Variants in TTC7B observed in about 807,000 individuals in gnomAD.
The protein encoded by TTC7B is tetratricopeptide repeat protein 7B.
A neutral mutation model predicts 106.8 loss-of-function variants in TTC7B; 28 were observed. That is an observed-to-expected ratio of 0.26 (90% CI 0.19 to 0.36). TTC7B has a LOEUF of 0.36. Among genes scored for constraint, TTC7B ranks in the 10% least tolerant of loss-of-function variants. The pLI, the probability that TTC7B is intolerant of heterozygous loss-of-function variation, is 1.00. For missense variants in TTC7B, 862 were observed against 1,076.4 expected (o/e 0.80, Z 2.79); for synonymous variants, 405 against 430.6 (o/e 0.94, Z 0.74).
intron 19 of TTC7B, among the ~76,000 whole-genome samples, chr14:90,555,747 T>C (rs1890274357): frequency 6.6e-6 from 1 of 152,204 alleles, no homozygotes; most frequent in Non-Finnish European, 1.5e-5. Flanking sequence ...ATCAGTCATC[T>C]CTCAGCTCCT....
At chr14:90,812,900 G>C (rs2030976104) in intron 1 of TTC7B, among the ~76,000 whole-genome samples, 1 of 152,194 alleles carries the variant, frequency 6.6e-6, no homozygotes, top group South Asian at 2.1e-4. Flanking sequence ...CCACTATTTA[G>C]AGTCCTTAAC....
intron 17 of TTC7B, 126 bp from the exon 18 acceptor site, chr14:90,593,752 T>A (rs933821900): frequency 4.9e-6 from 5 of 1,012,888 alleles, no homozygotes; most frequent in Non-Finnish European, 6.7e-6. Context: ...TAAGATTTAC[T>A]GTCCACAGAG....
chr14:90,630,201 A>G (rs1033547827), intron 15 of TTC7B, among the ~76,000 whole-genome samples: 8 of 151,402 alleles, frequency 5.3e-5, no homozygotes, highest in African/African-American at 1.7e-4. Flanking sequence ...TTTTCATTGC[A>G]TTTGGGGGAT....
intron 1 of TTC7B, among the ~76,000 whole-genome samples, chr14:90,791,889 C>G (rs571512249): frequency 7.9e-5 from 12 of 152,214 alleles, no homozygotes; most frequent in African/African-American, 2.9e-4. Flanking sequence ...GATCTACTTT[C>G]TAAGTCACTG....
intron 1 of TTC7B, among the ~76,000 whole-genome samples, chr14:90,793,101 T>C (rs1377431527): frequency 6.6e-6 from 1 of 151,840 alleles, no homozygotes; most frequent in Non-Finnish European, 1.5e-5. Context: ...AAGTGGTGAT[T>C]TCCCCTGTGC....
chr14:90,714,301 A>G (rs1406447946), intron 5 of TTC7B, among the ~76,000 whole-genome samples: 2 of 152,154 alleles, frequency 1.3e-5, no homozygotes, highest in Non-Finnish European at 2.9e-5. Flanking sequence ...AAATTTCTAG[A>G]AAAGGCGAAT....
intron 5 of TTC7B, among the ~76,000 whole-genome samples, chr14:90,711,548 A>G (rs1259919173): frequency 6.6e-6 from 1 of 152,164 alleles, no homozygotes; most frequent in African/African-American, 2.4e-5. Flanking sequence ...CAGCCCCCCA[A>G]GTAGCTGGGA....
At chr14:90,763,939 A>T (rs1890589043) in intron 3 of TTC7B, among the ~76,000 whole-genome samples, 1 of 152,220 alleles carries the variant, frequency 6.6e-6, no homozygotes, top group African/African-American at 2.4e-5. Context: ...CACAATCCCT[A>T]CCAAGAATTA....
intron 7 of TTC7B, among the ~76,000 whole-genome samples, chr14:90,683,887 C>G (rs1347983950): frequency 6.6e-6 from 1 of 152,206 alleles, no homozygotes; most frequent in African/African-American, 2.4e-5. Flanking sequence ...GTCATCCTGA[C>G]CCTTCAACAT....
intron 19 of TTC7B, among the ~76,000 whole-genome samples, chr14:90,546,981 G>A (rs1256817521): frequency 6.6e-6 from 1 of 152,238 alleles, no homozygotes; most frequent in African/African-American, 2.4e-5. Flanking sequence ...TGTGCTGCGT[G>A]TGCCCTTGAT....
chr14:90,733,238 C>G (rs1889393307), intron 4 of TTC7B, among the ~76,000 whole-genome samples: 1 of 152,104 alleles, frequency 6.6e-6, no homozygotes, highest in Non-Finnish European at 1.5e-5. Flanking sequence ...AGATACACAC[C>G]ATTGTCCTCT....
In TTC7B at chr14:90,797,283, T is replaced by A. The variant is rs1270227703; in HGVS notation, c.122-10955A>T. Among the ~76,000 whole-genome samples, 9 of 50,144 alleles carry A rather than the reference T, an allele frequency of 1.8e-4. 2 individuals are homozygous for A. Among genetic ancestry groups the A allele is most frequent in the African/African-American group, 3.6e-4 (9 of 25,264 alleles). The allele number at this position is 50,144 out of a possible 152,430, so 32.9% of individuals were successfully genotyped here. ...GCCTGGCCAATATGGTAAAACCCCA[T>A]CTCTACTAAAAAAAAATACAAAAAT... On this transcript the variant is annotated intron_variant, in intron 1 of 19. Coordinates refer to ENST00000328459, the MANE Select transcript of TTC7B (RefSeq NM_001010854.2).
At chr14:90,694,870 AAT>A (rs1190050040) in intron 6 of TTC7B, among the ~76,000 whole-genome samples, 36 of 109,020 alleles carry the variant, frequency 3.3e-4, no homozygotes, top group African/African-American at 1.0e-3. Context: ...TATGTACATA[AAT>A]ATATGTCACA....
chr14:90,787,906 T>C (rs1180351560), intron 1 of TTC7B, among the ~76,000 whole-genome samples: 4 of 152,212 alleles, frequency 2.6e-5, no homozygotes, highest in Admixed American at 6.5e-5. Flanking sequence ...TTTATGCCTG[T>C]AATCCCAACA....
At chr14:90,776,185 T>C (rs921285401) in intron 3 of TTC7B, among the ~76,000 whole-genome samples, 1 of 122,006 alleles carries the variant, frequency 8.2e-6, no homozygotes, top group African/African-American at 4.1e-5. Context: ...ACGCCAGGAA[T>C]GTCAGGTGAC....
intron 10 of TTC7B, chr14:90,658,001 C>T (rs1367276088): frequency 5.4e-6 from 2 of 373,268 alleles, no homozygotes; most frequent in Non-Finnish European, 1.0e-5. Flanking sequence ...GCTTAACTCT[C>T]AGATGAGTGG....
At chr14:90,698,860 C>G (rs541257940) in intron 5 of TTC7B, 71 of 276,410 alleles carry the variant, frequency 2.6e-4, no homozygotes, top group Middle Eastern at 1.2e-3. Context: ...AGTCCCACAG[C>G]CTTGCTCTCA....
chr14:90,556,915 C>A (rs548912279), intron 19 of TTC7B, among the ~76,000 whole-genome samples: 5 of 152,074 alleles, frequency 3.3e-5, no homozygotes, highest in African/African-American at 1.2e-4. Context: ...AGCCAGGGAA[C>A]GGGGGGGACA....
chr14:90,664,001 A>T (rs1408919568), intron 9 of TTC7B, among the ~76,000 whole-genome samples: 4 of 152,138 alleles, frequency 2.6e-5, no homozygotes, highest in Non-Finnish European at 5.9e-5. Context: ...ATAAACCCCT[A>T]AGCAGCTCAG....
Sources: allele counts gnomAD v4.1 joint callset (sites outside exome capture counted in the v4.1 genomes callset), GRCh38; gene constraint gnomAD v4.1.1; transcripts MANE v1.5; gene names NCBI Gene and HGNC (gene_info 2026-07-23, HGNC 2026-07-21).